Variants in FOXP1 observed in about 807,000 individuals in gnomAD.
The protein encoded by FOXP1 is forkhead box P1.
In FOXP1, 15 loss-of-function variants were observed where a neutral mutation model predicts 98.2. That is an observed-to-expected ratio of 0.15 (90% CI 0.10 to 0.24). The LOEUF (loss-of-function observed/expected upper bound fraction) is 0.24. Ranked by LOEUF, FOXP1 falls within the 10% of genes least tolerant of loss-of-function variation. The probability of loss-of-function intolerance (pLI) is 1.00; values close to 1 mark genes in which losing one functional copy is unlikely to be tolerated. For synonymous variants in FOXP1, 371 were observed against 314.5 expected, an observed-to-expected ratio of 1.18 and a Z score of -1.90; for missense variants, 633 against 848.5, an observed-to-expected ratio of 0.75 and a Z score of 3.15.
At chr3:71,446,815 A>AT (rs1355056599) in intron 3 of FOXP1, among the ~76,000 whole-genome samples, 1 of 152,278 alleles carries the variant, frequency 6.6e-6, no homozygotes, top group East Asian at 1.9e-4. Flanking sequence ...CTGGCTGCAC[A>AT]TTCCTCAGCA....
chr3:71,312,264 A>C (rs1188642811), intron 4 of FOXP1, among the ~76,000 whole-genome samples: 2 of 152,242 alleles, frequency 1.3e-5, no homozygotes, highest in Non-Finnish European at 2.9e-5. Flanking sequence ...TCTGGACTTC[A>C]GCGAAAGAAA....
In FOXP1 at chr3:71,278,440, C is replaced by G. The variant is rs910961716; in HGVS notation, c.-12+21380G>C. ...TCCCAGAAGAAAACCCAGCTTGCCTCCATCCTGGTGCTTAAAACGGCCGGT... is the reference window on the plus strand; with the variant it reads ...TCCCAGAAGAAAACCCAGCTTGCCTGCATCCTGGTGCTTAAAACGGCCGGT... On this transcript the variant is annotated intron_variant, in intron 5 of 20. Transcript: ENST00000649528. 2.0e-5 allele frequency among the ~76,000 whole-genome samples: 3 copies of G among 152,274 alleles called. No individual in the cohort carries two copies. The East Asian group carries it at 5.8e-4, about 29-fold the overall frequency.
intron 4 of FOXP1, among the ~76,000 whole-genome samples, chr3:71,358,101 C>A (rs2078291356): frequency 6.6e-6 from 1 of 152,158 alleles, no homozygotes; most frequent in Non-Finnish European, 1.5e-5. Flanking sequence ...TTTTGACATG[C>A]AAGACTTGTG....
chr3:71,013,621 A>C (rs1576156215), intron 12 of FOXP1, among the ~76,000 whole-genome samples: 2 of 152,168 alleles, frequency 1.3e-5, no homozygotes, highest in South Asian at 4.1e-4. Flanking sequence ...GCTACCAATG[A>C]CTTTCTTCAC....
chr3:71,148,566 A>C (rs2060429208), intron 6 of FOXP1, among the ~76,000 whole-genome samples: 1 of 152,156 alleles, frequency 6.6e-6, no homozygotes, highest in South Asian at 2.1e-4. Flanking sequence ...GACAGGCAAA[A>C]ACTGAAGCAT....
intron 3 of FOXP1, among the ~76,000 whole-genome samples, chr3:71,411,330 TGA>T (rs1391517830): frequency 1.9e-4 from 27 of 142,046 alleles, no homozygotes; most frequent in African/African-American, 8.0e-4. Flanking sequence ...TGTGTGTGTG[TGA>T]GTGACGGAGT....
intron 6 of FOXP1, among the ~76,000 whole-genome samples, chr3:71,117,842 C>A (rs62257251): frequency 6.6e-6 from 1 of 152,106 alleles, no homozygotes; most frequent in Admixed American, 6.5e-5. Context: ...ATGCTAGGCT[C>A]GGGTTACAGT....
At chr3:71,074,219 A>G (rs2053568343) in intron 7 of FOXP1, among the ~76,000 whole-genome samples, 1 of 152,122 alleles carries the variant, frequency 6.6e-6, no homozygotes, top group Admixed American at 6.5e-5. Context: ...AGGCTCTAAG[A>G]GCTTACATTA....
intron 3 of FOXP1, among the ~76,000 whole-genome samples, chr3:71,489,398 C>A (rs2090904133): frequency 6.6e-6 from 1 of 152,218 alleles, no homozygotes; most frequent in South Asian, 2.1e-4. Context: ...AAGGGACAAC[C>A]TAGTGGTAGA....
At chr3:71,563,253 T>G (rs913439898) in intron 2 of FOXP1, among the ~76,000 whole-genome samples, 2 of 152,154 alleles carry the variant, frequency 1.3e-5, no homozygotes, top group African/African-American at 2.4e-5. Flanking sequence ...TTCAGATGCT[T>G]TCTTACTAAA....
At chr3:71,001,587 A>G (rs1261707587) in intron 12 of FOXP1, among the ~76,000 whole-genome samples, 10 of 148,400 alleles carry the variant, frequency 6.7e-5, no homozygotes, top group Admixed American at 6.7e-4. Flanking sequence ...TTATGTACCA[A>G]TGGTGGGGGG....
intron 11 of FOXP1, among the ~76,000 whole-genome samples, chr3:71,036,297 G>T (rs1320762674): frequency 6.6e-6 from 1 of 152,194 alleles, no homozygotes; most frequent in Non-Finnish European, 1.5e-5. Context: ...ACTGAAGAGA[G>T]CATAGGTTAA....
chr3:71,450,849 AT>A (rs1376597016), intron 3 of FOXP1, among the ~76,000 whole-genome samples: 2 of 151,726 alleles, frequency 1.3e-5, no homozygotes, highest in Admixed American at 1.3e-4. Context: ...TCCTGCCTAC[AT>A]TTTATGTTTT....
chr3:71,231,477 G>T (rs1285013675), intron 5 of FOXP1, among the ~76,000 whole-genome samples: 1 of 152,076 alleles, frequency 6.6e-6, no homozygotes, highest in Non-Finnish European at 1.5e-5. Context: ...TTTCAAGAGA[G>T]AATTACTATA....
intron 2 of FOXP1, among the ~76,000 whole-genome samples, chr3:71,555,377 G>A (rs1251523549): frequency 6.6e-6 from 1 of 152,132 alleles, no homozygotes; most frequent in Non-Finnish European, 1.5e-5. Flanking sequence ...GGGATTGCTG[G>A]TCATCTTTCA....
chr3:71,225,201 T>C (rs1475148976), intron 5 of FOXP1, among the ~76,000 whole-genome samples: 1 of 152,240 alleles, frequency 6.6e-6, no homozygotes, highest in Non-Finnish European at 1.5e-5. Context: ...TGCCATGTTA[T>C]TCCAACACAT....
At chr3:71,364,881 T>C (rs1227092214) in intron 3 of FOXP1, among the ~76,000 whole-genome samples, 2 of 152,268 alleles carry the variant, frequency 1.3e-5, no homozygotes, top group Non-Finnish European at 2.9e-5. Flanking sequence ...CTTAACGTGA[T>C]AGCTGTGTAT....
chr3:70,969,703 G>A (rs939039098), intron 19 of FOXP1: 1 of 152,098 alleles, frequency 6.6e-6, no homozygotes, highest in African/African-American at 2.4e-5. Context: ...GTTCATATTT[G>A]CTCAAGTATT....
chr3:71,130,110 AT>A (rs1270933217), intron 6 of FOXP1, among the ~76,000 whole-genome samples: 1 of 152,228 alleles, frequency 6.6e-6, no homozygotes, highest in Non-Finnish European at 1.5e-5. Flanking sequence ...CAAAGGCACC[AT>A]CCCCACATTC....
Sources: gnomAD v4.1 joint callset for allele counts (sites outside exome capture counted in the v4.1 genomes callset) on GRCh38, gnomAD v4.1.1 for gene constraint, MANE v1.5 for transcripts, NCBI Gene and HGNC (gene_info 2026-07-23, HGNC 2026-07-21) for gene names.